Variants in SLC8A1 observed in about 807,000 individuals in gnomAD.
SLC8A1 encodes the protein sodium/calcium exchanger 1.
In SLC8A1, 18 loss-of-function variants were observed where a neutral mutation model predicts 68.3. The observed-to-expected ratio is 0.26, with a 90% confidence interval of 0.18 to 0.39. The LOEUF (loss-of-function observed/expected upper bound fraction) is 0.39. Ranked by LOEUF, SLC8A1 falls within the 10% of genes least tolerant of loss-of-function variation. The pLI is 1.00. For missense variants in SLC8A1, 985 were observed against 1,156.7 expected (o/e 0.85, Z 2.15); for synonymous variants, 475 against 415.5 (o/e 1.14, Z -1.74).
intron 1 of SLC8A1, among the ~76,000 whole-genome samples, chr2:40,477,401 A>G (rs960752708): frequency 1.3e-5 from 2 of 152,176 alleles, no homozygotes; most frequent in Admixed American, 1.3e-4. Context: ...CTGTAAAATG[A>G]TCCACCTACT....
chr2:40,143,000 T>A (rs1234924665), intron 6 of SLC8A1, among the ~76,000 whole-genome samples: 1 of 152,086 alleles, frequency 6.6e-6, no homozygotes, highest in East Asian at 1.9e-4. Context: ...GTGTGTTCTT[T>A]CTGTAGGCTT....
chr2:40,127,287 C>G (rs2038321405), intron 7 of SLC8A1, among the ~76,000 whole-genome samples: 1 of 152,122 alleles, frequency 6.6e-6, no homozygotes, highest in Non-Finnish European at 1.5e-5. Context: ...AAGTTATTGT[C>G]AGGTTCTTCT....
At chr2:40,224,114 C>T (rs970924064) in intron 2 of SLC8A1, among the ~76,000 whole-genome samples, 8 of 152,136 alleles carry the variant, frequency 5.3e-5, no homozygotes, top group East Asian at 1.9e-4. Context: ...TGATGTTGCT[C>T]GGCAGTGAAA....
At chr2:40,400,884 A>C (rs546699789) in intron 2 of SLC8A1, among the ~76,000 whole-genome samples, 6 of 152,320 alleles carry the variant, frequency 3.9e-5, no homozygotes, top group African/African-American at 1.4e-4. Context: ...AAGCAAAGGC[A>C]GGAAATGGGC....
intron 2 of SLC8A1, among the ~76,000 whole-genome samples, chr2:40,358,455 T>C (rs1673458407): frequency 6.6e-6 from 1 of 152,152 alleles, no homozygotes; most frequent in Admixed American, 6.6e-5. Context: ...CAGAAATCTC[T>C]CAAATTTTGT....
At chr2:40,279,902 GTTTC>G (rs1212431714) in intron 2 of SLC8A1, among the ~76,000 whole-genome samples, 6 of 151,936 alleles carry the variant, frequency 3.9e-5, no homozygotes, top group Non-Finnish European at 8.8e-5. Context: ...CATTTTCTTT[GTTTC>G]TTTATCTATT....
At chr2:40,472,734 A>T (rs1173492160) in intron 1 of SLC8A1, among the ~76,000 whole-genome samples, 1 of 152,186 alleles carries the variant, frequency 6.6e-6, no homozygotes, top group African/African-American at 2.4e-5. Context: ...ATTAATAAAC[A>T]TAATAAAACT....
At chr2:40,119,710 A>G (rs1307421482) in intron 7 of SLC8A1, among the ~76,000 whole-genome samples, 2 of 152,236 alleles carry the variant, frequency 1.3e-5, no homozygotes, top group African/African-American at 4.8e-5. Context: ...ATATGTTGAT[A>G]ATAACACATG....
chr2:40,373,873 A>C (rs1211683940), intron 2 of SLC8A1, among the ~76,000 whole-genome samples: 1 of 152,120 alleles, frequency 6.6e-6, no homozygotes, highest in Non-Finnish European at 1.5e-5. Context: ...CACCAAAAAC[A>C]ATAGGTTTAG....
At chr2:40,484,240 G>A (rs926598487) in intron 1 of SLC8A1, among the ~76,000 whole-genome samples, 1 of 152,202 alleles carries the variant, frequency 6.6e-6, no homozygotes, top group Non-Finnish European at 1.5e-5. Flanking sequence ...TGTGTTGACA[G>A]TGGTAGTGGG....
At chr2:40,167,208 C>CTTAA (rs1351943371) in intron 4 of SLC8A1, among the ~76,000 whole-genome samples, 12 of 152,236 alleles carry the variant, frequency 7.9e-5, no homozygotes, top group Admixed American at 4.6e-4. Flanking sequence ...GGAAGAAATG[C>CTTAA]TTAATTCGGT....
intron 7 of SLC8A1, among the ~76,000 whole-genome samples, chr2:40,127,713 T>C (rs1327084063): frequency 6.6e-6 from 1 of 152,098 alleles, no homozygotes; most frequent in Non-Finnish European, 1.5e-5. Flanking sequence ...GCTTATAATT[T>C]ATGGAGGACT....
chr2:40,222,571 T>TC (rs2058475380), intron 2 of SLC8A1, among the ~76,000 whole-genome samples: 1 of 151,750 alleles, frequency 6.6e-6, no homozygotes, highest in African/African-American at 2.4e-5. Context: ...AAAGAAACTA[T>TC]CAGAGTGAAC....
intron 2 of SLC8A1, among the ~76,000 whole-genome samples, chr2:40,251,925 C>G (rs2062820384): frequency 6.6e-6 from 1 of 152,116 alleles, no homozygotes; most frequent in Admixed American, 6.5e-5. Flanking sequence ...TACAAGTAGT[C>G]TCAGTTCCCC....
intron 1 of SLC8A1, among the ~76,000 whole-genome samples, chr2:40,440,063 T>C (rs1700194170): frequency 6.6e-6 from 1 of 152,126 alleles, no homozygotes; most frequent in South Asian, 2.1e-4. Flanking sequence ...CCAAAGGGAG[T>C]GTTGGTGACA....
At chr2:40,495,641 A>C (rs146879448) in intron 1 of SLC8A1, among the ~76,000 whole-genome samples, 2 of 152,066 alleles carry the variant, frequency 1.3e-5, no homozygotes, top group Non-Finnish European at 2.9e-5. Flanking sequence ...ACAACTGTTG[A>C]TAGTGAACTT....
chr2:40,481,950 T>A (rs1704653985), intron 1 of SLC8A1, among the ~76,000 whole-genome samples: 1 of 152,158 alleles, frequency 6.6e-6, no homozygotes. Flanking sequence ...TAGAGAATAG[T>A]TCAAGTTTTA....
chr2:40,346,799 G>A (rs974601563), intron 2 of SLC8A1, among the ~76,000 whole-genome samples: 1 of 152,134 alleles, frequency 6.6e-6, no homozygotes, highest in African/African-American at 2.4e-5. Context: ...AAGTCTTGTA[G>A]CTCAATGATC....
At chr2:40,221,968 C>G (rs1333110681) in intron 2 of SLC8A1, among the ~76,000 whole-genome samples, 1 of 152,150 alleles carries the variant, frequency 6.6e-6, no homozygotes, top group East Asian at 1.9e-4. Flanking sequence ...AGATTCAATG[C>G]TATCCCCATC....
Sources: gnomAD v4.1 joint callset for allele counts (sites outside exome capture counted in the v4.1 genomes callset) on GRCh38, gnomAD v4.1.1 for gene constraint, MANE v1.5 for transcripts, NCBI Gene and HGNC (gene_info 2026-07-23, HGNC 2026-07-21) for gene names.